Variants in CCDC88A observed in about 807,000 individuals in gnomAD.
CCDC88A encodes the protein girdin.
Under a neutral mutation model 234.3 loss-of-function variants are expected in CCDC88A, and 54 were observed. That is an observed-to-expected ratio of 0.23 (90% CI 0.19 to 0.29). The LOEUF (loss-of-function observed/expected upper bound fraction) is 0.29. Among genes scored for constraint, CCDC88A ranks in the 10% least tolerant of loss-of-function variants. CCDC88A has a pLI of 1.00. For synonymous variants in CCDC88A, 753 were observed against 737.8 expected, an observed-to-expected ratio of 1.02 and a Z score of -0.33; for missense variants, 1,832 against 2,123.4, an observed-to-expected ratio of 0.86 and a Z score of 2.70.
At chr2:55,323,797 C>T (rs546726177) in intron 17 of CCDC88A, 7 of 152,316 alleles carry the variant, frequency 4.6e-5, no homozygotes, top group South Asian at 2.1e-4. Flanking sequence ...CTGCAACCTC[C>T]GCCACCCAGG....
chr2:55,346,868 CCT>C (rs960779569), intron 9 of CCDC88A, among the ~76,000 whole-genome samples: 14 of 151,764 alleles, frequency 9.2e-5, no homozygotes, highest in African/African-American at 3.4e-4. Context: ...TTTTTTAAAA[CCT>C]TTTTAAAAAA....
rs181408769 is a variant in CCDC88A at position 55,306,969 on chromosome 2, T to A, written c.4387+1840A>T. On this transcript the variant is annotated intron_variant, in intron 25 of 32. Coordinates refer to ENST00000436346, the MANE Select transcript of CCDC88A (RefSeq NM_001365480.1). ...AGCCAAAACACTGTGAATAGTTTTT[T>A]GAGTGCTTTGAGAGTTGCCCATTTG... 6.6e-5 allele frequency among the ~76,000 whole-genome samples: 10 copies of A among 152,330 alleles called. No homozygotes were observed. In the East Asian group the frequency reaches 1.9e-3, roughly 29 times the overall value.
chr2:55,398,866 CAA>C (rs990748243), intron 2 of CCDC88A, among the ~76,000 whole-genome samples: 1 of 136,938 alleles, frequency 7.3e-6, no homozygotes, highest in Non-Finnish European at 1.6e-5. Flanking sequence ...CCCTGCCTAA[CAA>C]AAAAAAAAAG....
chr2:55,332,443 G>C lies in CCDC88A; in HGVS notation c.2855+123C>G. Reference sequence around the variant, plus strand: ...GGCTACAGAACTTTCCTTAAGGGAAGGAAGGAACCAGAAATAGGGTGAAAT... The same window carrying C: ...GGCTACAGAACTTTCCTTAAGGGAACGAAGGAACCAGAAATAGGGTGAAAT... On this transcript the variant is annotated intron_variant, in intron 16 of 32. Transcript: ENST00000436346. This position sits in a 1 kb window ranked among gnomAD's most constrained non-coding sequence, Gnocchi z 4.5. 1 of 1,389,404 alleles carries C rather than the reference G, an allele frequency of 7.2e-7. No homozygotes were observed. The highest frequency in any genetic ancestry group is 9.3e-7 in the Non-Finnish European group (1 of 1,072,292). 86.1% of individuals were successfully genotyped at this position (1,389,404 alleles called of 1,614,324 possible).
At chr2:55,397,372 A>G (rs1677803749) in intron 2 of CCDC88A, 1 of 152,148 alleles carries the variant, frequency 6.6e-6, no homozygotes, top group Non-Finnish European at 1.5e-5. Flanking sequence ...TGGGACAACA[A>G]GCGTAAGCCA....
intron 3 of CCDC88A, among the ~76,000 whole-genome samples, chr2:55,383,321 C>G (rs1192611121): frequency 1.3e-5 from 2 of 151,780 alleles, no homozygotes; most frequent in Non-Finnish European, 1.5e-5. Flanking sequence ...TCAGAATAAT[C>G]AAAATGTACT....
chr2:55,301,076 G>GTT, intron 28 of CCDC88A, 130 bp downstream of exon 28: 2 of 623,228 alleles, frequency 3.2e-6, no homozygotes, highest in Non-Finnish European at 5.6e-6. Context: ...AATGGTAGAG[G>GTT]TAACTATGAG....
At chr2:55,302,963 C>A in intron 26 of CCDC88A, 106 bp downstream of exon 26, 1 of 784,934 alleles carries the variant, frequency 1.3e-6, no homozygotes, top group Non-Finnish European at 2.2e-6. Context: ...AGACTGACCT[C>A]TGCAAAATAA....
chr2:55,381,149 G>A lies in CCDC88A; in HGVS notation c.274-6266C>T, dbSNP rs940038751. ...TGCTATACAGGTTTGCAGCCTAGGAGCTATAGGCTACACCATATACCGTAG... is the reference window on the plus strand; with the variant it reads ...TGCTATACAGGTTTGCAGCCTAGGAACTATAGGCTACACCATATACCGTAG... On this transcript the variant is annotated intron_variant, in intron 3 of 32. Coordinates refer to ENST00000436346, the MANE Select transcript of CCDC88A (RefSeq NM_001365480.1). Among the ~76,000 whole-genome samples, 6 of 74,554 alleles carry A rather than the reference G, an allele frequency of 8.0e-5. 1 individual carries two copies. The highest frequency in any genetic ancestry group is 2.9e-5 in the Non-Finnish European group (1 of 34,236). 48.9% of individuals were successfully genotyped at this position (74,554 alleles called of 152,430 possible).
intron 2 of CCDC88A, among the ~76,000 whole-genome samples, chr2:55,416,216 T>C (rs1681357815): frequency 6.6e-6 from 1 of 151,484 alleles, no homozygotes; most frequent in Admixed American, 6.6e-5. Flanking sequence ...GAAGTTATAA[T>C]ATCTGGAATG....
chr2:55,292,769 G>A (rs1184886416), intron 31 of CCDC88A: 7 of 152,348 alleles, frequency 4.6e-5, no homozygotes, highest in Non-Finnish European at 8.8e-5. Context: ...GCTGAGGCAG[G>A]AGAATTGCCT....
chr2:55,316,077 C>T lies in CCDC88A; in HGVS notation c.3784G>A (p.Glu1262Lys). The change falls in exon 22 of 33, where the codon GAA becomes AAA. Residue 1262 changes from glutamate to lysine, a missense_variant. Physicochemically the swap from Glu to Lys is moderately conservative, Grantham distance 56. Coordinates refer to ENST00000436346, the MANE Select transcript of CCDC88A (RefSeq NM_001365480.1). ...TTTTTATGGTCAGTTTGTAAAACTTCAGTCTCTTTTAAAAGTTGACTATAG... is the reference window on the plus strand; with the variant it reads ...TTTTTATGGTCAGTTTGTAAAACTTTAGTCTCTTTTAAAAGTTGACTATAG... ...HTYSQLLKET[E>K]VLQTDHKNLK... 6.4e-7 allele frequency: 1 copy of T among 1,554,464 alleles called. No homozygotes were observed. Among genetic ancestry groups the T allele is most frequent in the Non-Finnish European group, 8.8e-7 (1 of 1,137,750 alleles).
chr2:55,363,342 T>C (rs1329267460), intron 6 of CCDC88A, among the ~76,000 whole-genome samples: 1 of 151,950 alleles, frequency 6.6e-6, no homozygotes, highest in Non-Finnish European at 1.5e-5. Context: ...CTAATCAACA[T>C]GTAAAATTTA....
At chr2:55,383,973 C>G (rs1050812226) in intron 3 of CCDC88A, among the ~76,000 whole-genome samples, 10 of 151,916 alleles carry the variant, frequency 6.6e-5, no homozygotes, top group African/African-American at 2.4e-4. Context: ...CTCAAGACTA[C>G]AGTGACCTAT....
intron 2 of CCDC88A, chr2:55,404,494 A>G (rs1679226731): frequency 6.6e-6 from 1 of 152,218 alleles, no homozygotes; most frequent in Non-Finnish European, 1.5e-5. Context: ...GCAAAATAAT[A>G]GATACCTATT....
Position 55,332,681 on chromosome 2 carries a change from C to T in CCDC88A, c.2740G>A (p.Glu914Lys). Residue 914 changes from glutamate (E) to lysine (K), a missense_variant, in exon 16 of 33, where the codon GAA (glutamate) becomes AAA (lysine). Around this residue, in one of 6 missense-constraint regions of CCDC88A, gnomAD observed 1,282 missense variants for 1,543.6 expected, o/e 0.83. Coordinates refer to ENST00000436346, the MANE Select transcript of CCDC88A (RefSeq NM_001365480.1). The surrounding 1 kb of genome is among the most constrained non-coding windows in gnomAD (Gnocchi z 4.5). ...TTCATCTGTTGGGTCTTCAACTTTT[C>T]ACTCACCAAATCCTTATTTTAAAAG... Reference protein sequence around the residue: ...LVTLREDLVSEKLKTQQMNND... With the variant: ...LVTLREDLVSKKLKTQQMNND... 6.2e-7 allele frequency: 1 copy of T among 1,607,644 alleles called. No individual in the cohort carries two copies. The highest frequency in any genetic ancestry group is 8.5e-7 in the Non-Finnish European group (1 of 1,176,388).
At chr2:55,295,381 T>G in intron 31 of CCDC88A, 1 of 1,541,788 alleles carries the variant, frequency 6.5e-7, no homozygotes, top group Non-Finnish European at 8.8e-7. Flanking sequence ...AATGGTCCTA[T>G]GCTATCTTTT....
At chr2:55,303,438 G>A (rs1681140139) in intron 25 of CCDC88A, among the ~76,000 whole-genome samples, 1 of 149,866 alleles carries the variant, frequency 6.7e-6, no homozygotes, top group Admixed American at 6.6e-5. Context: ...TGTTGCCCAG[G>A]CTGGAGTGCA....
intron 17 of CCDC88A, among the ~76,000 whole-genome samples, chr2:55,326,246 C>T (rs575845946): frequency 1.4e-4 from 22 of 151,824 alleles, no homozygotes; most frequent in Non-Finnish European, 8.8e-5. Context: ...CAAACCCCTG[C>T]GCTCAAGCGA....
Sources: gnomAD v4.1 joint callset for allele counts (sites outside exome capture counted in the v4.1 genomes callset) on GRCh38, gnomAD v4.1.1 for gene constraint, gnomAD v4.1.1 regional missense constraint, Gnocchi (gnomAD v3.1) non-coding constraint, MANE v1.5 for transcripts, NCBI Gene and HGNC (gene_info 2026-07-23, HGNC 2026-07-21) for gene names.